The following NLRX1 variants were observed in gnomAD, a reference collection of about 807,000 sequenced individuals.
NLRX1 encodes the protein NLR family member X1.
In NLRX1, 67 loss-of-function variants were observed where a neutral mutation model predicts 74.2. The ratio of observed to expected loss-of-function variants is 0.90; its 90% CI spans 0.74 to 1.11. NLRX1 has a LOEUF of 1.11. Among genes scored for constraint, NLRX1 ranks in the 50% least tolerant of loss-of-function variants. The probability of loss-of-function intolerance (pLI) is 0.00; values close to 1 mark genes in which losing one functional copy is unlikely to be tolerated. For missense variants in NLRX1, 1,191 were observed against 1,305.4 expected (o/e 0.91, Z 1.35); for synonymous variants, 506 against 559.1 (o/e 0.91, Z 1.34).
rs764750808 is a variant in NLRX1, at chr11:119,173,521, G to C, written c.272G>C (p.Ser91Thr). The change falls in exon 5 of 10, where the codon AGC (serine) becomes ACC (threonine). Residue 91 changes from serine to threonine, a missense_variant. Physicochemically the swap from Ser to Thr is moderately conservative, Grantham distance 58. Coordinates refer to ENST00000409109, the MANE Select transcript of NLRX1 (RefSeq NM_001282144.2). The surrounding 1 kb of genome is among the most constrained non-coding windows in gnomAD (Gnocchi z 4.0). Reference protein sequence around the residue: ...RHRRNLAEWFSRLPREERQFG... With the variant: ...RHRRNLAEWFTRLPREERQFG... The stretch of plus-strand genomic sequence containing the variant: ...CGCCGGAACCTGGCTGAGTGGTTCA[G>C]CCGGCTGCCCAGGGAGGAGCGCCAG... 6.2e-7 allele frequency: 1 copy of C among 1,614,088 alleles called. No homozygotes were observed. Among genetic ancestry groups the C allele is most frequent in the Non-Finnish European group, 8.5e-7 (1 of 1,180,034 alleles).
chr11:119,176,545 AGT>A (rs1948708352), intron 6 of NLRX1, among the ~76,000 whole-genome samples: 2 of 151,258 alleles, frequency 1.3e-5, no homozygotes, highest in Non-Finnish European at 2.9e-5. Context: ...TGGTTAACCA[AGT>A]GTGGTGCCGG....
chr11:119,171,916 T>C (rs1397938938), intron 2 of NLRX1, among the ~76,000 whole-genome samples: 1 of 151,760 alleles, frequency 6.6e-6, no homozygotes, highest in African/African-American at 2.4e-5. Flanking sequence ...GATCGCACCA[T>C]TGCACTCCAG....
intron 1 of NLRX1, among the ~76,000 whole-genome samples, chr11:119,169,771 C>G (rs1432111103): frequency 1.3e-5 from 2 of 152,162 alleles, no homozygotes; most frequent in Admixed American, 6.5e-5. Context: ...GGGCGGATCA[C>G]TTGAGCCCAG....
chr11:119,182,644 CG>C (rs1343185383), intron 9 of NLRX1, among the ~76,000 whole-genome samples: 2 of 152,028 alleles, frequency 1.3e-5, no homozygotes, highest in Non-Finnish European at 2.9e-5. Context: ...CCCAGCACTT[CG>C]GGGGGCCAAG....
rs774801651 is a variant in NLRX1, at chr11:119,180,056, CTCT to C, written c.2041_2043del (p.Phe681del). On this transcript the variant is annotated inframe_deletion, in exon 7 of 10. Transcript: ENST00000409109. ...GCCCCCATCAGAGCTCCTTGACCAC[CTCT>C]TCTTCCACTATGAGTTCCAGAACCA... is the stretch of plus-strand genomic sequence containing the variant. 6 of 1,613,572 alleles carry C rather than the reference CTCT, an allele frequency of 3.7e-6. No individual in the cohort carries two copies. The African/African-American group carries it at 4.0e-5, about 11-fold the overall frequency.
intron 7 of NLRX1, among the ~76,000 whole-genome samples, 174 bp from the exon 8 acceptor site, chr11:119,180,997 T>C (rs552314315): frequency 6.6e-6 from 1 of 152,178 alleles, no homozygotes; most frequent in African/African-American, 2.4e-5. Flanking sequence ...GTTGTGATCA[T>C]GCCATTGTGC....
At chr11:119,181,990 AC>A (rs1418939455) in intron 8 of NLRX1, 103 bp from the exon 9 acceptor site, 2 of 1,417,638 alleles carry the variant, frequency 1.4e-6, no homozygotes, top group Non-Finnish European at 1.9e-6. Flanking sequence ...AAGTCCTGAC[AC>A]CCAGCACAGG....
In NLRX1 at chr11:119,172,359, A is replaced by T; in HGVS notation, c.74A>T (p.Asp25Val). The T allele has an allele frequency of 6.2e-7, 1 of 1,613,266 alleles. No individual in the cohort carries two copies. Among genetic ancestry groups the T allele is most frequent in the Non-Finnish European group, 8.5e-7 (1 of 1,179,198 alleles). ...GFRRALQRPD[D>V]RIPFLIHWSW... ...TATTTCTTCCTTCTCTCTGTAGATG[A>T]TCGTATCCCCTTCCTGATCCACTGG... Residue 25 changes from aspartate to valine, a missense_variant, in exon 3 of 10, where the codon GAT becomes GTT. By Grantham distance (152) the Asp-to-Val change is radical. Transcript: ENST00000409109.
rs1429476488 is a variant in NLRX1 at position 119,183,941 on chromosome 11, G to C, written c.*502G>C. The C allele has an allele frequency of 2.6e-6, 2 of 778,666 alleles. No individual in the cohort carries two copies. Among genetic ancestry groups the C allele is most frequent in the Middle Eastern group, 2.3e-4 (1 of 4,432 alleles). 48.2% of individuals were successfully genotyped at this position (778,666 alleles called of 1,614,324 possible). A position where few individuals can be genotyped will look rare whatever the true frequency, so the allele number is the denominator to read the frequency against. ...TCCTCATGCCCCCTTTGCCACAATG[G>C]TATGATGGCTTGGTAGCCCCTCGAG... On this transcript the variant is annotated 3_prime_UTR_variant, in exon 10 of 10. Coordinates refer to ENST00000409109, the MANE Select transcript of NLRX1 (RefSeq NM_001282144.2). This position sits in a 1 kb window ranked among gnomAD's most constrained non-coding sequence, Gnocchi z 5.7.
rs1948904572 is a variant in NLRX1, at chr11:119,183,504, C to G, written c.*65C>G. The stretch of plus-strand genomic sequence containing the variant: ...CTAAACCTTTTCCCTCTGTGGCCTC[C>G]TGGCTTGCACTGCTCCCTCTAGAAA... On this transcript the variant is annotated 3_prime_UTR_variant, in exon 10 of 10. Coordinates refer to ENST00000409109, the MANE Select transcript of NLRX1 (RefSeq NM_001282144.2). The surrounding 1 kb of genome is among the most constrained non-coding windows in gnomAD (Gnocchi z 5.7). The G allele has an allele frequency of 5.0e-6, 7 of 1,402,418 alleles. No homozygotes were observed. The South Asian group carries it at 8.7e-5, about 17-fold the overall frequency. 86.9% of individuals were successfully genotyped at this position (1,402,418 alleles called of 1,614,324 possible).
rs2135153339 is a variant in NLRX1, at chr11:119,171,382, G to A, written c.-22G>A. On this transcript the variant is annotated 5_prime_UTR_variant, in exon 2 of 10. Transcript: ENST00000409109. ...ACAGAAGTCGGTCCTAGGCCCCCCAGGCTCTGACCTTCTTTCCCAGGATGA... is the reference window on the plus strand; with the variant it reads ...ACAGAAGTCGGTCCTAGGCCCCCCAAGCTCTGACCTTCTTTCCCAGGATGA... 1.2e-6 allele frequency: 2 copies of A among 1,613,206 alleles called. No homozygotes were observed. The highest frequency in any genetic ancestry group is 1.7e-6 in the Non-Finnish European group (2 of 1,179,748).
In NLRX1 at chr11:119,173,985, C is replaced by T; in HGVS notation, c.736C>T (p.His246Tyr). 2 of 1,614,178 alleles carry T rather than the reference C, an allele frequency of 1.2e-6. No individual in the cohort carries two copies. Among genetic ancestry groups the T allele is most frequent in the Non-Finnish European group, 1.7e-6 (2 of 1,180,044 alleles). Residue 246 changes from histidine to tyrosine, a missense_variant, in exon 5 of 10, where the codon CAT (histidine) becomes TAT (tyrosine). Physicochemically the swap from His to Tyr is moderately conservative, Grantham distance 83 (BLOSUM62 2). Transcript: ENST00000409109. The surrounding 1 kb of genome is among the most constrained non-coding windows in gnomAD (Gnocchi z 4.0). ...CCTCTTTGTGCTCCATGGCTTAGAG[C>T]ATCTCAACCTCGACTTCCGGCTGGC... ...HLLFVLHGLE[H>Y]LNLDFRLAGT...
chr11:119,179,791 C>G lies in NLRX1; in HGVS notation c.1770C>G (p.Asn590Lys). ...TGTTTCGAGAGGAGGACTACTACAA[C>G]GATGATGTTCTGGACCAGATGGGCG... ...LEMFREEDYY[N>K]DDVLDQMGAS... The change falls in exon 7 of 10, where the codon AAC (asparagine) becomes AAG (lysine). Residue 590 changes from asparagine (N) to lysine (K), a missense_variant. Physicochemically the swap from Asn to Lys is moderately conservative, Grantham distance 94 (BLOSUM62 0). Transcript: ENST00000409109. The G allele has an allele frequency of 6.2e-7, 1 of 1,614,202 alleles. No individual in the cohort carries two copies. Among genetic ancestry groups the G allele is most frequent in the South Asian group, 1.1e-5 (1 of 91,086 alleles).
intron 6 of NLRX1, among the ~76,000 whole-genome samples, chr11:119,178,110 G>A (rs1948742339): frequency 6.6e-6 from 1 of 152,146 alleles, no homozygotes; most frequent in Non-Finnish European, 1.5e-5. Flanking sequence ...AAAGGCTACA[G>A]TGAGCTATGA....
Position 119,174,838 on chromosome 11 carries a change from A to G in NLRX1, c.1235A>G (p.Asp412Gly). 1 of 1,614,020 alleles carries G rather than the reference A, an allele frequency of 6.2e-7. No homozygotes were observed. The highest frequency in any genetic ancestry group is 8.5e-7 in the Non-Finnish European group (1 of 1,180,044). ...CTCAACTTCAGCGGGGAAACCCTGG[A>G]CAGCACTGACCCCTCCAATTTGTCC... ...LRLNFSGETL[D>G]STDPSNLSLM... Residue 412 changes from aspartate (D) to glycine (G), a missense_variant, in exon 6 of 10, where the codon GAC (aspartate) becomes GGC (glycine). Coordinates refer to ENST00000409109, the MANE Select transcript of NLRX1 (RefSeq NM_001282144.2).
At chr11:119,181,418 C>T in intron 8 of NLRX1, 161 bp downstream of exon 8, 2 of 605,538 alleles carry the variant, frequency 3.3e-6, no homozygotes, top group Non-Finnish European at 6.0e-6. Flanking sequence ...CCACTGCAAG[C>T]AGCAGGGCAG....
At position 119,179,731 on chromosome 11, in the gene NLRX1, C is replaced by T. The variant is rs746329727; in HGVS notation, c.1710C>T (p.Ser570=). Residue 570 remains serine, a synonymous_variant, in exon 7 of 10, where the codon AGC becomes AGT. Coordinates refer to ENST00000409109, the MANE Select transcript of NLRX1 (RefSeq NM_001282144.2). ...PRVFGRMVGK[S]REAVAQAMVL... is the part of the protein sequence containing the mutation. Reference sequence around the variant, plus strand: ...TGTTTGGGCGCATGGTGGGTAAAAGCCGGGAGGCGGTGGCTCAGGCCATGG... The same window carrying T: ...TGTTTGGGCGCATGGTGGGTAAAAGTCGGGAGGCGGTGGCTCAGGCCATGG... The T allele has an allele frequency of 6.2e-7, 1 of 1,610,462 alleles. No homozygotes were observed. The highest frequency in any genetic ancestry group is 8.5e-7 in the Non-Finnish European group (1 of 1,177,578).
chr11:119,176,616 G>A (rs1193084816), intron 6 of NLRX1, among the ~76,000 whole-genome samples: 1 of 152,088 alleles, frequency 6.6e-6, no homozygotes, highest in Admixed American at 6.6e-5. Context: ...GAGCCTGGGA[G>A]GCAGAGGTTG....
At chr11:119,181,135 G>T (rs1485604317) in intron 7 of NLRX1, 36 bp from the exon 8 acceptor site, 3 of 1,488,596 alleles carry the variant, frequency 2.0e-6, no homozygotes, top group Non-Finnish European at 1.9e-6. Flanking sequence ...TCCCTCCCTG[G>T]TCTCTCACCT....
Sources: allele counts gnomAD v4.1 joint callset (sites outside exome capture counted in the v4.1 genomes callset), GRCh38; gene constraint gnomAD v4.1.1; non-coding constraint Gnocchi (gnomAD v3.1); transcripts MANE v1.5; gene names NCBI Gene and HGNC (gene_info 2026-07-23, HGNC 2026-07-21).